FAM72C: variants seen among roughly 807,000 people sequenced by gnomAD.
FAM72C encodes RUMY family member 3.
FAM72C carries 1 observed loss-of-function variant against 5.2 expected under a neutral mutation model. The ratio of observed to expected loss-of-function variants is 0.19; its 90% CI spans 0.07 to 0.91. The LOEUF is 0.91. Ranked by LOEUF, FAM72C falls within the 40% of genes least tolerant of loss-of-function variation. FAM72C has a pLI of 0.66. For missense variants in FAM72C, 4 were observed against 66.0 expected, an observed-to-expected ratio of 0.06 and a Z score of 3.25; for synonymous variants, 1 against 21.8, an observed-to-expected ratio of 0.05 and a Z score of 2.66.
chr1:143,960,831 ATT>A (rs1255827785), intron 3 of FAM72C, among the ~76,000 whole-genome samples: 21 of 115,274 alleles, frequency 1.8e-4, no homozygotes, highest in Admixed American at 1.8e-4. Flanking sequence ...TTACTAAAAT[ATT>A]TTTTTTTTTT....
chr1:143,965,451 T>G (rs1392870816), intron 2 of FAM72C, among the ~76,000 whole-genome samples: 1 of 107,572 alleles, frequency 9.3e-6, no homozygotes, highest in Non-Finnish European at 2.0e-5. Context: ...CTGCCTTGGC[T>G]TCCCAAAGTT....
intron 2 of FAM72C, among the ~76,000 whole-genome samples, chr1:143,966,933 TGA>T (rs1386027543): frequency 7.3e-6 from 1 of 137,188 alleles, no homozygotes; most frequent in African/African-American, 2.8e-5. Flanking sequence ...GAGGCAGAGG[TGA>T]GAGAATCACT....
chr1:143,961,945 A>G (rs587719721), intron 3 of FAM72C, among the ~76,000 whole-genome samples: 1 of 147,316 alleles, frequency 6.8e-6, no homozygotes, highest in South Asian at 2.2e-4. Context: ...AGCTGCAGCA[A>G]GTTATCCAGA....
intron 3 of FAM72C, among the ~76,000 whole-genome samples, chr1:143,959,900 C>T (rs1468430155): frequency 7.3e-6 from 1 of 136,868 alleles, no homozygotes; most frequent in Admixed American, 7.1e-5. Flanking sequence ...TGGCTTGAGC[C>T]TGGGAGGTCG....
intron 3 of FAM72C, among the ~76,000 whole-genome samples, chr1:143,963,380 AATGG>A (rs1179370238): frequency 1.5e-5 from 1 of 68,456 alleles, no homozygotes; most frequent in Non-Finnish European, 2.9e-5. Context: ...ATGAAACTTT[AATGG>A]ATGAAGAGTT....
At chr1:143,962,075 C>T (rs1238817226) in intron 3 of FAM72C, among the ~76,000 whole-genome samples, 4 of 137,900 alleles carry the variant, frequency 2.9e-5, no homozygotes, top group African/African-American at 5.3e-5. Context: ...AGTGCAATGG[C>T]GTGATCTTGG....
rs1270908513 is a variant in FAM72C at position 143,960,615 on chromosome 1, G to A, written c.356-4134C>T. Among the ~76,000 whole-genome samples the A allele has an allele frequency of 3.8e-5, 5 of 132,328 alleles. 1 individual carries two copies. Among genetic ancestry groups the A allele is most frequent in the African/African-American group, 1.4e-4 (5 of 35,552 alleles). The allele number at this position is 132,328 out of a possible 152,430, so 86.8% of individuals were successfully genotyped here. ...CGTATGCCTGTAATCTCGCTACTCGGGAGGCTGAGGCACGAGAATCGCTTG... is the reference window on the plus strand; with the variant it reads ...CGTATGCCTGTAATCTCGCTACTCGAGAGGCTGAGGCACGAGAATCGCTTG... On this transcript the variant is annotated intron_variant, in intron 3 of 3. Coordinates refer to ENST00000584486, the MANE Select transcript of FAM72C (RefSeq NM_001287385.2).
In FAM72C at chr1:143,955,614, T is replaced by C. The variant is rs1661452661; in HGVS notation, c.*773A>G. The C allele has an allele frequency of 7.0e-6, 1 of 142,520 alleles. No homozygotes were observed. The highest frequency in any genetic ancestry group is 7.0e-5 in the Admixed American group (1 of 14,264). The allele number at this position is 142,520 out of a possible 1,614,324, so 8.8% of individuals were successfully genotyped here. On this transcript the variant is annotated 3_prime_UTR_variant, in exon 4 of 4. Coordinates refer to ENST00000584486, the MANE Select transcript of FAM72C (RefSeq NM_001287385.2). The stretch of plus-strand genomic sequence containing the variant: ...CAATGGCTTAAGCAAATCGCTTTAG[T>C]TTTTTTTTCTATTTAAGATTTAGGA...
In FAM72C at chr1:143,971,197, TC is replaced by T; in HGVS notation, c.-57del. 1 of 322,314 alleles carries T rather than the reference TC, an allele frequency of 3.1e-6. No individual in the cohort carries two copies. The highest frequency in any genetic ancestry group is 2.4e-5 in the South Asian group (1 of 40,918). The allele number at this position is 322,314 out of a possible 1,614,324, so 20.0% of individuals were successfully genotyped here. On this transcript the variant is annotated 5_prime_UTR_variant, in exon 1 of 4. Transcript: ENST00000584486. ...TTGAAAAAGGAAACAAGAGTAATGC[TC>T]CTACTATTTTGATTCCCCTAGGCTA...
chr1:143,955,395 C>T lies in FAM72C; in HGVS notation c.*992G>A, dbSNP rs1661445109. 1 of 135,618 alleles carries T rather than the reference C, an allele frequency of 7.4e-6. No homozygotes were observed. The highest frequency in any genetic ancestry group is 1.6e-5 in the Non-Finnish European group (1 of 62,624). The allele number at this position is 135,618 out of a possible 1,614,324, so 8.4% of individuals were successfully genotyped here. ...TTAGAAAAAACTTTATTTACAAAAC[C>T]ACAACTCAGTCTGCTTTGGTATTGA... On this transcript the variant is annotated 3_prime_UTR_variant, in exon 4 of 4. Coordinates refer to ENST00000584486, the MANE Select transcript of FAM72C (RefSeq NM_001287385.2).
intron 2 of FAM72C, among the ~76,000 whole-genome samples, chr1:143,965,928 T>C (rs1661760703): frequency 7.7e-6 from 1 of 129,268 alleles, no homozygotes; most frequent in Admixed American, 7.9e-5. Context: ...TTTAACTAGC[T>C]AGTCACATAT....
chr1:143,962,306 G>A lies in FAM72C; in HGVS notation c.355+2549C>T, dbSNP rs1324391699. On this transcript the variant is annotated intron_variant, in intron 3 of 3. Coordinates refer to ENST00000584486, the MANE Select transcript of FAM72C (RefSeq NM_001287385.2). Reference sequence around the variant, plus strand: ...TGGGATTACAGGCGTGAGCCACCGCGCCCGGCCTCTTATTCCTTTTTTTTT... The same window carrying A: ...TGGGATTACAGGCGTGAGCCACCGCACCCGGCCTCTTATTCCTTTTTTTTT... 1.5e-4 allele frequency among the ~76,000 whole-genome samples: 21 copies of A among 141,378 alleles called. 2 individuals are homozygous for A. The highest frequency in any genetic ancestry group is 2.5e-4 in the Non-Finnish European group (16 of 64,192). 92.7% of individuals were successfully genotyped at this position (141,378 alleles called of 152,430 possible). A position where few individuals can be genotyped will look rare whatever the true frequency, so the allele number is the denominator to read the frequency against.
In FAM72C at chr1:143,959,137, G is replaced by A. The variant is rs1256320135; in HGVS notation, c.356-2656C>T. On this transcript the variant is annotated intron_variant, in intron 3 of 3. Transcript: ENST00000584486. ...CCTTCCTTTCTCTGTTAAGAAGGGAGGAAGGAAATCCTGTGATACATGTTT... is the reference window on the plus strand; with the variant it reads ...CCTTCCTTTCTCTGTTAAGAAGGGAAGAAGGAAATCCTGTGATACATGTTT... Among the ~76,000 whole-genome samples, 2 of 138,920 alleles carry A rather than the reference G, an allele frequency of 1.4e-5. 1 individual carries two copies. Among genetic ancestry groups the A allele is most frequent in the African/African-American group, 6.0e-5 (2 of 33,268 alleles). The allele number at this position is 138,920 out of a possible 152,430, so 91.1% of individuals were successfully genotyped here.
At chr1:143,967,313 A>G (rs1242262218) in intron 2 of FAM72C, among the ~76,000 whole-genome samples, 1 of 144,828 alleles carries the variant, frequency 6.9e-6, no homozygotes, top group East Asian at 2.0e-4. Context: ...CCCTGTCTCT[A>G]CTAAAATATG....
intron 2 of FAM72C, among the ~76,000 whole-genome samples, chr1:143,967,201 G>T (rs1661797369): frequency 6.8e-6 from 1 of 145,986 alleles, no homozygotes; most frequent in Admixed American, 6.9e-5. Flanking sequence ...GGGTGGGCTG[G>T]GTGCGGTGGC....
At chr1:143,965,324 T>C (rs1244599705) in intron 2 of FAM72C, among the ~76,000 whole-genome samples, 2 of 85,068 alleles carry the variant, frequency 2.4e-5, no homozygotes, top group Non-Finnish European at 4.7e-5. Flanking sequence ...GCCTCCAGAA[T>C]AGCTGGGATT....
intron 3 of FAM72C, among the ~76,000 whole-genome samples, chr1:143,963,812 A>G (rs1661701885): frequency 7.1e-6 from 1 of 141,276 alleles, no homozygotes; most frequent in Non-Finnish European, 1.6e-5. Flanking sequence ...TTTTAGCAAT[A>G]AAGCATTTTT....
chr1:143,966,249 G>A (rs1487256761), intron 2 of FAM72C, among the ~76,000 whole-genome samples: 16 of 116,958 alleles, frequency 1.4e-4, no homozygotes, highest in Middle Eastern at 4.5e-3. Context: ...TTTAATTACC[G>A]CCTATATTCA....
At chr1:143,969,460 TAA>T (rs1558544056) in intron 1 of FAM72C, among the ~76,000 whole-genome samples, 3 of 115,182 alleles carry the variant, frequency 2.6e-5, no homozygotes, top group African/African-American at 1.0e-4. Flanking sequence ...AGTATATTTT[TAA>T]AGAGTCAGTT....
Sources: allele counts gnomAD v4.1 joint callset (sites outside exome capture counted in the v4.1 genomes callset), GRCh38; gene constraint gnomAD v4.1.1; transcripts MANE v1.5; gene names NCBI Gene and HGNC (gene_info 2026-07-23, HGNC 2026-07-21).